The following SYNPR variants were observed in gnomAD, a reference collection of about 807,000 sequenced individuals.
The protein encoded by SYNPR is synaptoporin.
SYNPR carries 23 observed loss-of-function variants against 32.9 expected under a neutral mutation model. The ratio of observed to expected loss-of-function variants is 0.70; its 90% CI spans 0.50 to 0.99. SYNPR has a LOEUF of 0.99. Ranked by LOEUF, SYNPR falls within the 50% of genes least tolerant of loss-of-function variation. The pLI is 0.00. For missense variants in SYNPR, 318 were observed against 349.3 expected, an observed-to-expected ratio of 0.91 and a Z score of 0.71; for synonymous variants, 146 against 135.9, an observed-to-expected ratio of 1.07 and a Z score of -0.52.
intron 2 of SYNPR, among the ~76,000 whole-genome samples, chr3:63,467,642 AGTT>A (rs1456669915): frequency 6.6e-6 from 1 of 152,230 alleles, no homozygotes; most frequent in African/African-American, 2.4e-5. Context: ...TAGCAGCAGC[AGTT>A]GTTGTGGTTA....
At chr3:63,524,443 C>T (rs958669404) in intron 3 of SYNPR, among the ~76,000 whole-genome samples, 2 of 152,128 alleles carry the variant, frequency 1.3e-5, no homozygotes, top group African/African-American at 4.8e-5. Context: ...TTGGCAGGAT[C>T]GCAGATGGGG....
intron 2 of SYNPR, among the ~76,000 whole-genome samples, chr3:63,287,550 A>G (rs1476712980): frequency 2.6e-5 from 4 of 152,162 alleles, no homozygotes; most frequent in Admixed American, 2.6e-4. Flanking sequence ...TTATGTTTCT[A>G]ACACAGTGCT....
chr3:63,453,738 G>A (rs4688169), intron 2 of SYNPR, among the ~76,000 whole-genome samples: 19,624 of 151,990 alleles, frequency 0.13, 2,384 homozygotes, highest in African/African-American at 0.31. Context: ...AGTGACTTAC[G>A]TTTTTGAGCC....
At chr3:63,395,430 G>A (rs531399227) in intron 2 of SYNPR, among the ~76,000 whole-genome samples, 1 of 152,270 alleles carries the variant, frequency 6.6e-6, no homozygotes, top group South Asian at 2.1e-4. Flanking sequence ...AAAAATGCTA[G>A]CTTCTGTTTA....
chr3:63,322,694 A>T (rs1469862942), intron 2 of SYNPR, among the ~76,000 whole-genome samples: 1 of 152,100 alleles, frequency 6.6e-6, no homozygotes, highest in Admixed American at 6.6e-5. Context: ...ACTTGTTCAC[A>T]ATCATTCGAC....
At chr3:63,236,632 G>C (rs2086202970) in intron 1 of SYNPR, among the ~76,000 whole-genome samples, 1 of 152,010 alleles carries the variant, frequency 6.6e-6, no homozygotes, top group Non-Finnish European at 1.5e-5. Context: ...TTTGATTTTA[G>C]AGGTATTGTT....
chr3:63,413,004 C>T (rs2088487795), intron 2 of SYNPR, among the ~76,000 whole-genome samples: 1 of 152,146 alleles, frequency 6.6e-6, no homozygotes, highest in Non-Finnish European at 1.5e-5. Flanking sequence ...TTGGTGCCTT[C>T]AGGGTTCCAA....
At chr3:63,408,346 AAGAAAGAAAG>A (rs2088414798) in intron 2 of SYNPR, among the ~76,000 whole-genome samples, 1 of 148,380 alleles carries the variant, frequency 6.7e-6, no homozygotes, top group Non-Finnish European at 1.5e-5. Flanking sequence ...GAAAGAAAGA[AAGAAAGAAAG>A]AAAGAAAGAA....
intron 2 of SYNPR, among the ~76,000 whole-genome samples, chr3:63,293,322 GT>G (rs201130641): frequency 0.12 from 18,613 of 151,998 alleles, 1,260 homozygotes; most frequent in Non-Finnish European, 0.16. Context: ...GGGGTGGAGG[GT>G]TTTTTTGGAC....
At chr3:63,419,847 A>C (rs1231459963) in intron 2 of SYNPR, among the ~76,000 whole-genome samples, 1 of 152,244 alleles carries the variant, frequency 6.6e-6, no homozygotes, top group Non-Finnish European at 1.5e-5. Context: ...ATCATTTTAG[A>C]CATCAGCTCA....
chr3:63,278,592 G>A, intron 1 of SYNPR, 41 bp downstream of exon 1: 1 of 1,550,818 alleles, frequency 6.4e-7, no homozygotes, highest in Non-Finnish European at 8.7e-7. Flanking sequence ...GGGAGCAGGG[G>A]GCGGGGGATG....
At chr3:63,308,587 G>A (rs1474779382) in intron 2 of SYNPR, among the ~76,000 whole-genome samples, 1 of 151,874 alleles carries the variant, frequency 6.6e-6, no homozygotes, top group East Asian at 1.9e-4. Context: ...TGGGTATCAA[G>A]TTCTAGATTG....
rs1291649346 is a variant in SYNPR at position 63,494,406 on chromosome 3, T to TATATACAC, written c.209+13455_209+13456insCACATATA. On this transcript the variant is annotated intron_variant, in intron 3 of 5. Coordinates refer to ENST00000478300, the MANE Select transcript of SYNPR (RefSeq NM_001130003.2). Reference sequence around the variant, plus strand: ...ATATGTTAATTCTTATATATATATATATATATATATACGTATATATATATA... The same window carrying TATATACAC: ...ATATGTTAATTCTTATATATATATATATATACACATATATATATACGTATATATATATA... Among the ~76,000 whole-genome samples the TATATACAC allele has an allele frequency of 9.2e-3, 1,096 of 118,668 alleles. 42 individuals carry two copies. Among genetic ancestry groups the TATATACAC allele is most frequent in the African/African-American group, 0.035 (997 of 28,466 alleles). The allele number at this position is 118,668 out of a possible 152,430, so 77.9% of individuals were successfully genotyped here. A position where few individuals can be genotyped will look rare whatever the true frequency, so the allele number is the denominator to read the frequency against.
At position 63,615,225 on chromosome 3, in the gene SYNPR, T is replaced by C. The variant is rs1420407276; in HGVS notation, c.602T>C (p.Val201Ala). The C allele has an allele frequency of 6.2e-7, 1 of 1,613,240 alleles. No homozygotes were observed. The highest frequency in any genetic ancestry group is 2.2e-5 in the East Asian group (1 of 44,894). Residue 201 changes from valine to alanine, a missense_variant and splice_region_variant, in exon 6 of 6, where the codon GTC (valine) becomes GCC (alanine). Physicochemically the swap from Val to Ala is moderately conservative, Grantham distance 64 (BLOSUM62 0). Coordinates refer to ENST00000478300, the MANE Select transcript of SYNPR (RefSeq NM_001130003.2). ...PVMSSLNTSV[V>A]FGFLNFILWA... ...TCATTGGCTTTGATTCTCCTTCAGG[T>C]CTTTGGATTCTTGAACTTTATTCTC...
chr3:63,420,977 C>T (rs936614455), intron 2 of SYNPR, among the ~76,000 whole-genome samples: 1 of 152,132 alleles, frequency 6.6e-6, no homozygotes, highest in Non-Finnish European at 1.5e-5. Context: ...ACCTCCCAGG[C>T]TCAAGCAATC....
intron 2 of SYNPR, among the ~76,000 whole-genome samples, chr3:63,392,250 G>T (rs1312895740): frequency 6.6e-6 from 1 of 152,192 alleles, no homozygotes; most frequent in Non-Finnish European, 1.5e-5. Context: ...GGCAGTAAGA[G>T]TGAGGTTTTC....
chr3:63,322,630 G>T (rs893048889), intron 2 of SYNPR, among the ~76,000 whole-genome samples: 5 of 152,054 alleles, frequency 3.3e-5, no homozygotes, highest in African/African-American at 1.2e-4. Flanking sequence ...TGTGACTTAG[G>T]TGGTCCTGTC....
At chr3:63,410,387 T>C (rs937010218) in intron 2 of SYNPR, among the ~76,000 whole-genome samples, 2 of 152,304 alleles carry the variant, frequency 1.3e-5, no homozygotes, top group East Asian at 1.9e-4. Context: ...GAGTTTACAA[T>C]TGGTTTTTAA....
At chr3:63,385,033 C>T (rs140598445) in intron 2 of SYNPR, among the ~76,000 whole-genome samples, 1 of 152,286 alleles carries the variant, frequency 6.6e-6, no homozygotes, top group East Asian at 1.9e-4. Context: ...CTTACAACTA[C>T]AGTTTTATGA....
Sources: allele counts gnomAD v4.1 joint callset (sites outside exome capture counted in the v4.1 genomes callset), GRCh38; gene constraint gnomAD v4.1.1; transcripts MANE v1.5; gene names NCBI Gene and HGNC (gene_info 2026-07-23, HGNC 2026-07-21).